DNASE1: variants seen among roughly 807,000 people sequenced by gnomAD.
The protein encoded by DNASE1 is deoxyribonuclease 1, also known as deoxyribonuclease-1.
A neutral mutation model predicts 33.9 loss-of-function variants in DNASE1; 40 were observed. That is an observed-to-expected ratio of 1.18 (90% confidence interval 0.92 to 1.54). The LOEUF (loss-of-function observed/expected upper bound fraction) is 1.54. Among genes scored for constraint, DNASE1 ranks in the 40% most tolerant of loss-of-function variants. The pLI is 0.00. For missense variants in DNASE1, 518 were observed against 372.6 expected (o/e 1.39, Z -3.21); for synonymous variants, 216 against 160.0 (o/e 1.35, Z -2.64).
intron 1 of DNASE1, among the ~76,000 whole-genome samples, chr16:3,632,415 G>A (rs2041727794): frequency 6.6e-6 from 1 of 152,094 alleles, no homozygotes; most frequent in African/African-American, 2.4e-5. Flanking sequence ...TACACATAAG[G>A]TTTGTTACCT....
At chr16:3,656,939 A>C (rs1343518184) in intron 5 of DNASE1, 60 bp from the exon 6 acceptor site, 1 of 1,589,644 alleles carries the variant, frequency 6.3e-7, no homozygotes, top group South Asian at 1.1e-5. Context: ...GTTCCAGCTG[A>C]CATGGTGACT....
intron 1 of DNASE1, among the ~76,000 whole-genome samples, chr16:3,637,341 CTT>C (rs972255543): frequency 2.0e-5 from 3 of 152,128 alleles, no homozygotes; most frequent in Non-Finnish European, 4.4e-5. Flanking sequence ...GTTCTATTCT[CTT>C]GTTATTATAT....
exon 10 of DNASE1, chr16:3,664,400 G>T: frequency 1.9e-6 from 3 of 1,612,422 alleles, no homozygotes; most frequent in Non-Finnish European, 1.7e-6. Flanking sequence ...CTGAGAGGCT[G>T]GTTAGCTGCC....
At chr16:3,633,977 T>C (rs751826930) in intron 1 of DNASE1, among the ~76,000 whole-genome samples, 44 of 150,404 alleles carry the variant, frequency 2.9e-4, no homozygotes, top group Non-Finnish European at 4.6e-4. Context: ...CCTGGCTAAG[T>C]TTTTTTGTAT....
chr16:3,618,953 G>A (rs574210124), intron 1 of DNASE1, among the ~76,000 whole-genome samples: 1 of 152,024 alleles, frequency 6.6e-6, no homozygotes, highest in East Asian at 1.9e-4. Context: ...GACTGCCAGG[G>A]ATCAAGTGAT....
chr16:3,630,388 G>A (rs1263330104), intron 1 of DNASE1, among the ~76,000 whole-genome samples: 5 of 151,998 alleles, frequency 3.3e-5, no homozygotes, highest in African/African-American at 4.8e-5. Context: ...TCTCCATGTT[G>A]CCCAGGTTGG....
rs753360046 is a variant in DNASE1 at position 3,622,361 on chromosome 16, GCTTTA to G, written c.-1359+10362_-1359+10366del. 3.2e-4 allele frequency among the ~76,000 whole-genome samples: 49 copies of G among 152,180 alleles called. No individual in the cohort carries two copies. The South Asian group carries it at 3.9e-3, about 12-fold the overall frequency. On this transcript the variant is annotated intron_variant and NMD_transcript_variant, in intron 1 of 11. Transcript: ENST00000570769. ...AGCGGTTAAAAATTGGTGTCTTGTA[GCTTTA>G]CTTTACATTTCTTTCATTGAGGAAA...
chr16:3,663,496 T>G lies in DNASE1; in HGVS notation c.*5543T>G, dbSNP rs143144399. The G allele has an allele frequency of 2.3e-4, 376 of 1,613,982 alleles. 2 individuals carry two copies. The highest frequency in any genetic ancestry group is 1.5e-3 in the Middle Eastern group (9 of 6,062). ...ATGTCCGTCTCCACAGAGATCAGCTTCTTCTTGTCAAACTCACGAAGGTGC... is the reference window on the plus strand; with the variant it reads ...ATGTCCGTCTCCACAGAGATCAGCTGCTTCTTGTCAAACTCACGAAGGTGC... On this transcript the variant is annotated 3_prime_UTR_variant, in exon 10 of 10. Coordinates refer to the DNASE1 transcript ENST00000407479.
At chr16:3,647,577 A>G (rs537028904) in intron 1 of DNASE1, among the ~76,000 whole-genome samples, 1 of 152,272 alleles carries the variant, frequency 6.6e-6, no homozygotes, top group East Asian at 1.9e-4. Context: ...CGCAGCCAGA[A>G]AATTTCAGCA....
intron 1 of DNASE1, among the ~76,000 whole-genome samples, chr16:3,627,664 C>T (rs2041557266): frequency 6.6e-6 from 1 of 152,116 alleles, no homozygotes; most frequent in Non-Finnish European, 1.5e-5. Context: ...ATTAAAAAGA[C>T]TATCTTTTCC....
intron 7 of DNASE1, 51 bp downstream of exon 7, chr16:3,657,392 C>G: frequency 6.2e-7 from 1 of 1,602,144 alleles, no homozygotes; most frequent in Non-Finnish European, 8.5e-7. Context: ...CCAAGGGCAG[C>G]CGTGACTCAT....
chr16:3,659,726 C>T (rs990358335), downstream of DNASE1: 1 of 150,676 alleles, frequency 6.6e-6, no homozygotes, highest in African/African-American at 2.5e-5. Flanking sequence ...TTCCTAACTG[C>T]ATCCCTTTAA....
At position 3,656,634 on chromosome 16, in the gene DNASE1, G is replaced by C. The variant is rs769199859; in HGVS notation, c.321-4G>C. 1 of 1,607,134 alleles carries C rather than the reference G, an allele frequency of 6.2e-7. No individual in the cohort carries two copies. The highest frequency in any genetic ancestry group is 8.5e-7 in the Non-Finnish European group (1 of 1,176,818). On this transcript the variant is annotated splice_region_variant and splice_polypyrimidine_tract_variant and intron_variant, in intron 4 of 8. Coordinates refer to ENST00000246949, the MANE Select transcript of DNASE1 (RefSeq NM_005223.4). ...TCACCTCCTCCTGCCCGGCCTTCCC[G>C]CAGGCCTGACCAGGTGTCTGCGGTG...
chr16:3,654,070 C>T (rs1458395238), upstream of DNASE1: 1 of 247,620 alleles, frequency 4.0e-6, no homozygotes, highest in East Asian at 7.4e-5. Context: ...GATTGTGCCA[C>T]TGCACTCCAG....
At chr16:3,662,261 C>T, downstream of DNASE1, 1 of 1,098,236 alleles carries the variant, frequency 9.1e-7, no homozygotes. Context: ...TCCCCTGGAC[C>T]AGCGCTGCTC....
intron 1 of DNASE1, among the ~76,000 whole-genome samples, chr16:3,636,366 A>G (rs2041867524): frequency 6.6e-6 from 1 of 152,190 alleles, no homozygotes. Flanking sequence ...CATATTAATC[A>G]TAGTTGTTTT....
intron 1 of DNASE1, among the ~76,000 whole-genome samples, chr16:3,632,797 G>T (rs2041740432): frequency 6.6e-6 from 1 of 151,998 alleles, no homozygotes; most frequent in Non-Finnish European, 1.5e-5. Context: ...TGTTGTCCAG[G>T]CTGGTCTTGA....
chr16:3,660,142 A>C (rs2042987461), downstream of DNASE1: 1 of 152,218 alleles, frequency 6.6e-6, no homozygotes, highest in African/African-American at 2.4e-5. Context: ...AAGGGAGAAA[A>C]GCAAGGCAAG....
exon 10 of DNASE1, chr16:3,663,689 G>A: frequency 8.2e-7 from 1 of 1,220,058 alleles, no homozygotes; most frequent in Middle Eastern, 2.8e-4. Context: ...GGGGCAGTTG[G>A]GGTTCCTAGG....
Sources: allele counts gnomAD v4.1 joint callset (sites outside exome capture counted in the v4.1 genomes callset), GRCh38; gene constraint gnomAD v4.1.1; transcripts MANE v1.5; gene names NCBI Gene and HGNC (gene_info 2026-07-23, HGNC 2026-07-21).